Variants in UCHL5 observed in about 807,000 individuals in gnomAD.
UCHL5 encodes the protein ubiquitin C-terminal hydrolase L5, also known as ubiquitin carboxyl-terminal hydrolase isozyme L5.
Under a neutral mutation model 53.8 loss-of-function variants are expected in UCHL5, and 34 were observed. That is an observed-to-expected ratio of 0.63 (90% CI 0.48 to 0.84). The LOEUF (loss-of-function observed/expected upper bound fraction) is 0.84, where lower values mean the gene tolerates loss of function less well. Ranked by LOEUF, UCHL5 falls within the 40% of genes least tolerant of loss-of-function variation. The probability of loss-of-function intolerance (pLI) is 0.00; values close to 1 mark genes in which losing one functional copy is unlikely to be tolerated. For synonymous variants in UCHL5, 111 were observed against 126.3 expected, an observed-to-expected ratio of 0.88 and a Z score of 0.81; for missense variants, 290 against 385.6, an observed-to-expected ratio of 0.75 and a Z score of 2.08.
rs148694146 is a variant in UCHL5, at chr1:193,033,504, T to A, written c.247-3847A>T. Among the ~76,000 whole-genome samples the A allele has an allele frequency of 3.4e-3, 514 of 152,066 alleles. 2 individuals are homozygous for A. Among genetic ancestry groups the A allele is most frequent in the Admixed American group, 8.1e-3 (124 of 15,244 alleles). ...AACAAACCTGCACATTCTGCACATGTATCTTAAAGTATACAATATATATAT... is the reference window on the plus strand; with the variant it reads ...AACAAACCTGCACATTCTGCACATGAATCTTAAAGTATACAATATATATAT... On this transcript the variant is annotated intron_variant, in intron 3 of 10. Coordinates refer to ENST00000367454, the MANE Select transcript of UCHL5 (RefSeq NM_001199261.3).
At chr1:193,059,858 C>T, upstream of UCHL5, 2 of 1,363,766 alleles carry the variant, frequency 1.5e-6, no homozygotes, top group Non-Finnish European at 2.0e-6. The surrounding 1 kb of genome is among the most constrained non-coding windows in gnomAD (Gnocchi z 4.9). Flanking sequence ...CTCCATGTCT[C>T]TCACCCGCAT....
Position 193,059,350 on chromosome 1 carries a change from C to T in UCHL5, c.-90G>A. The T allele has an allele frequency of 6.2e-7, 1 of 1,605,628 alleles. No individual in the cohort carries two copies. Among genetic ancestry groups the T allele is most frequent in the Non-Finnish European group, 8.5e-7 (1 of 1,176,328 alleles). ...CCGGCCACAGATCTCAGCAAACCCG[C>T]CGCCGAGCTCGTCAACCACACGTCA... On this transcript the variant is annotated 5_prime_UTR_variant, in exon 1 of 11. Coordinates refer to ENST00000367454, the MANE Select transcript of UCHL5 (RefSeq NM_001199261.3). The surrounding 1 kb of genome is among the most constrained non-coding windows in gnomAD (Gnocchi z 4.9).
chr1:193,018,200 A>G (rs1272531443), intron 10 of UCHL5, among the ~76,000 whole-genome samples: 1 of 151,550 alleles, frequency 6.6e-6, no homozygotes, highest in Non-Finnish European at 1.5e-5. Flanking sequence ...ATTGAATCAC[A>G]AAGTCATAGT....
At chr1:193,036,317 C>CAAAAAAAAAAAAAA (rs960496083) in intron 3 of UCHL5, among the ~76,000 whole-genome samples, 3 of 50,806 alleles carry the variant, frequency 5.9e-5, no homozygotes, top group African/African-American at 1.8e-4. Context: ...AACTGGAAAC[C>CAAAAAAAAAAAAAA]AAAAAAAAAA....
In UCHL5 at chr1:193,016,045, C is replaced by T. The variant is rs1156885301; in HGVS notation, c.*306G>A. The T allele has an allele frequency of 1.7e-5, 5 of 296,388 alleles. No homozygotes were observed. The highest frequency in any genetic ancestry group is 1.6e-4 in the Admixed American group (3 of 19,314). The allele number at this position is 296,388 out of a possible 1,614,324, so 18.4% of individuals were successfully genotyped here. ...TATTTAAATTACAGATAAGGAATAT[C>T]GTTTGTGCATTTTCTAGCTTCATAT... On this transcript the variant is annotated 3_prime_UTR_variant, in exon 11 of 11. Coordinates refer to ENST00000367454, the MANE Select transcript of UCHL5 (RefSeq NM_001199261.3).
chr1:193,059,906 C>G (rs1275647580), upstream of UCHL5: 1 of 1,365,768 alleles, frequency 7.3e-7, no homozygotes, highest in Non-Finnish European at 9.8e-7. This position sits in a 1 kb window ranked among gnomAD's most constrained non-coding sequence, Gnocchi z 4.9. Context: ...GCGAAACTAT[C>G]GCTCTTCCCC....
Position 193,022,988 on chromosome 1 carries a change from A to T in UCHL5, c.781T>A (p.Ser261Thr). 6.2e-7 allele frequency: 1 copy of T among 1,613,390 alleles called. No homozygotes were observed. The highest frequency in any genetic ancestry group is 1.7e-5 in the Admixed American group (1 of 59,994). ...AGCATCTGATTTTTGGCAACTTCTG[A>T]CTGAATAGCACTTAACATACTATTA... Reference protein sequence around the residue: ...QGNSMLSAIQSEVAKNQMLIE... With the variant: ...QGNSMLSAIQTEVAKNQMLIE... Residue 261 changes from serine (S) to threonine (T), a missense_variant, in exon 9 of 11, where the codon TCA becomes ACA. Transcript: ENST00000367454.
At position 193,028,092 on chromosome 1, in the gene UCHL5, T is replaced by A; in HGVS notation, c.622A>T (p.Ile208Leu). 6.2e-7 allele frequency: 1 copy of A among 1,605,214 alleles called. No individual in the cohort carries two copies. The highest frequency in any genetic ancestry group is 1.1e-5 in the South Asian group (1 of 88,524). Residue 208 changes from isoleucine to leucine, a missense_variant, in exon 7 of 11, where the codon ATA becomes TTA. Coordinates refer to ENST00000367454, the MANE Select transcript of UCHL5 (RefSeq NM_001199261.3). ...SAVRPVIEKR[I>L]QKYSEGEIRF... ...GATTAGCTGAGCATTTACTTTTGTA[T>A]CCTTTTTTCTATGACAGGCCTTACT...
chr1:193,045,530 C>T (rs1049559509), intron 3 of UCHL5, among the ~76,000 whole-genome samples: 5 of 152,182 alleles, frequency 3.3e-5, no homozygotes, highest in Non-Finnish European at 4.4e-5. Context: ...CTTTGCCTAC[C>T]ACCATGAGTA....
intron 1 of UCHL5, among the ~76,000 whole-genome samples, chr1:193,054,481 C>T (rs1162306493): frequency 6.6e-6 from 1 of 152,200 alleles, no homozygotes; most frequent in East Asian, 1.9e-4. Context: ...TTCCATTTGG[C>T]TGATGATGTG....
chr1:193,047,265 T>C (rs1297058796), intron 3 of UCHL5, among the ~76,000 whole-genome samples: 5 of 152,120 alleles, frequency 3.3e-5, no homozygotes, highest in Non-Finnish European at 5.9e-5. Context: ...TGATTACTTG[T>C]TGATTAAATG....
chr1:193,035,703 T>G (rs1261419653), intron 3 of UCHL5, among the ~76,000 whole-genome samples: 1 of 152,052 alleles, frequency 6.6e-6, no homozygotes, highest in Non-Finnish European at 1.5e-5. Flanking sequence ...CAGAATAATA[T>G]TGTCACTATG....
chr1:193,042,580 T>C (rs1665956360), intron 3 of UCHL5, among the ~76,000 whole-genome samples: 1 of 152,196 alleles, frequency 6.6e-6, no homozygotes. Context: ...CTAAATTCTA[T>C]TCACATCTGT....
Position 193,029,534 on chromosome 1 carries a change from C to T in UCHL5, c.370G>A (p.Ala124Thr), listed in dbSNP as rs1571598991. The T allele has an allele frequency of 6.2e-7, 1 of 1,613,448 alleles. No individual in the cohort carries two copies. The highest frequency in any genetic ancestry group is 8.5e-7 in the Non-Finnish European group (1 of 1,179,710). The change falls in exon 4 of 11, where the codon GCT (alanine) becomes ACT (threonine). Residue 124 changes from alanine (A) to threonine (T), a missense_variant and splice_region_variant. By Grantham distance (58) the Ala-to-Thr change is moderately conservative. Transcript: ENST00000367454. ...FKEFSQSFDA[A>T]MKGLALSNSD... ...AGGAATAAGAAGATTGTACTCACAG[C>T]TGCATCAAAACTTTGTGAAAATTCT...
chr1:193,059,401 G>T, upstream of UCHL5: 1 of 1,609,880 alleles, frequency 6.2e-7, no homozygotes. The surrounding 1 kb of genome is among the most constrained non-coding windows in gnomAD (Gnocchi z 4.9). Context: ...GACAGCCTCC[G>T]GGCGCCGTCA....
At chr1:193,049,317 G>A (rs943325503) in intron 3 of UCHL5, among the ~76,000 whole-genome samples, 56 of 152,254 alleles carry the variant, frequency 3.7e-4, no homozygotes, top group Non-Finnish European at 7.1e-4. Flanking sequence ...GGGAGGCTGA[G>A]GCAGGAGAAC....
chr1:193,059,856 C>T (rs1191386889), upstream of UCHL5: 8 of 1,363,410 alleles, frequency 5.9e-6, no homozygotes, highest in Admixed American at 1.9e-5. The surrounding 1 kb of genome is among the most constrained non-coding windows in gnomAD (Gnocchi z 4.9). Flanking sequence ...TCCTCCATGT[C>T]TCTCACCCGC....
At chr1:193,050,209 C>T (rs920412431) in intron 2 of UCHL5, among the ~76,000 whole-genome samples, 6 of 152,020 alleles carry the variant, frequency 3.9e-5, no homozygotes, top group African/African-American at 1.4e-4. Context: ...TATAGATAAA[C>T]GGTTGATAGC....
At chr1:193,038,886 C>G (rs898559973) in intron 3 of UCHL5, among the ~76,000 whole-genome samples, 2 of 151,022 alleles carry the variant, frequency 1.3e-5, no homozygotes, top group African/African-American at 4.9e-5. Context: ...GTCTTAGCTA[C>G]TCGGGAGGCT....
Sources: gnomAD v4.1 joint callset for allele counts (sites outside exome capture counted in the v4.1 genomes callset) on GRCh38, gnomAD v4.1.1 for gene constraint, Gnocchi (gnomAD v3.1) non-coding constraint, MANE v1.5 for transcripts, NCBI Gene and HGNC (gene_info 2026-07-23, HGNC 2026-07-21) for gene names.